MGAT5: variants seen among roughly 807,000 people sequenced by gnomAD.
MGAT5 encodes alpha-1,6-mannosylglycoprotein 6-beta-N-acetylglucosaminyltransferase A.
MGAT5 carries 30 observed loss-of-function variants against 94.3 expected under a neutral mutation model. The observed-to-expected ratio is 0.32, with a 90% CI of 0.24 to 0.43. The LOEUF is 0.43. Among genes scored for constraint, MGAT5 ranks in the 20% least tolerant of loss-of-function variants. The pLI, the probability that MGAT5 is intolerant of heterozygous loss-of-function variation, is 1.00. For synonymous variants in MGAT5, 310 were observed against 322.9 expected, an observed-to-expected ratio of 0.96 and a Z score of 0.43; for missense variants, 691 against 905.5, an observed-to-expected ratio of 0.76 and a Z score of 3.04.
chr2:134,169,391 CACACACACACACACACACACAG>C (rs1056722025), intron 1 of MGAT5, among the ~76,000 whole-genome samples: 4 of 119,484 alleles, frequency 3.3e-5, no homozygotes, highest in Non-Finnish European at 5.5e-5. Flanking sequence ...TAAAAATACA[CACACACACACACACACACACAG>C]ACACACACAC....
rs907796101 is a variant in MGAT5, at chr2:134,328,844, G to C, written c.574-7373G>C. On this transcript the variant is annotated intron_variant, in intron 4 of 15. Coordinates refer to ENST00000281923, the MANE Select transcript of MGAT5 (RefSeq NM_002410.5). ...TGGCCAGGTCAGTGGGTCAGGGAAG[G>C]CTTCTGTAAGGAGAAGTTTGAGCAT... Among the ~76,000 whole-genome samples the C allele has an allele frequency of 3.3e-5, 5 of 151,976 alleles. No individual in the cohort carries two copies. The East Asian group carries it at 9.7e-4, about 29-fold the overall frequency.
At chr2:134,365,263 C>G (rs1301041437) in intron 10 of MGAT5, among the ~76,000 whole-genome samples, 1 of 152,186 alleles carries the variant, frequency 6.6e-6, no homozygotes, top group Non-Finnish European at 1.5e-5. Flanking sequence ...GAGGGAATCT[C>G]CCTACTCACC....
At chr2:134,302,167 G>A (rs1195348734) in intron 2 of MGAT5, among the ~76,000 whole-genome samples, 1 of 152,148 alleles carries the variant, frequency 6.6e-6, no homozygotes, top group African/African-American at 2.4e-5. Flanking sequence ...ATTGGCTTGG[G>A]CATATTCCAA....
intron 1 of MGAT5, among the ~76,000 whole-genome samples, chr2:134,133,514 A>C (rs1206022423): frequency 6.6e-6 from 1 of 152,232 alleles, no homozygotes; most frequent in Non-Finnish European, 1.5e-5. Flanking sequence ...AATCAAAATA[A>C]ATGAGCTTAA....
At chr2:134,392,358 T>A (rs796455598) in intron 10 of MGAT5, among the ~76,000 whole-genome samples, 13 of 152,304 alleles carry the variant, frequency 8.5e-5, no homozygotes, top group African/African-American at 2.6e-4. Context: ...GTGATTTATT[T>A]TGAGGAGAGA....
At chr2:134,204,562 A>C (rs997577538) in intron 1 of MGAT5, among the ~76,000 whole-genome samples, 2 of 152,128 alleles carry the variant, frequency 1.3e-5, no homozygotes, top group African/African-American at 2.4e-5. Context: ...TTGGGCACAT[A>C]AAAAGAAAAA....
intron 13 of MGAT5, among the ~76,000 whole-genome samples, chr2:134,425,640 C>G (rs987674357): frequency 6.6e-6 from 1 of 152,116 alleles, no homozygotes; most frequent in Admixed American, 6.5e-5. Context: ...TTGAATGATG[C>G]CAAGCCACAT....
intron 1 of MGAT5, among the ~76,000 whole-genome samples, chr2:134,194,759 G>A (rs1679417499): frequency 6.6e-6 from 1 of 152,162 alleles, no homozygotes; most frequent in South Asian, 2.1e-4. Flanking sequence ...GGACTTTGGA[G>A]AGACAGGAGT....
intron 1 of MGAT5, among the ~76,000 whole-genome samples, chr2:134,232,153 C>T (rs1359248726): frequency 6.6e-6 from 1 of 152,134 alleles, no homozygotes; most frequent in Non-Finnish European, 1.5e-5. Context: ...GCTGATTTGA[C>T]CTCTTAAGTA....
Position 134,448,932 on chromosome 2 carries a change from G to T in MGAT5, c.*85G>T. 1.4e-6 allele frequency: 2 copies of T among 1,395,072 alleles called. No individual in the cohort carries two copies. Among genetic ancestry groups the T allele is most frequent in the South Asian group, 1.3e-5 (1 of 79,996 alleles). 86.4% of individuals were successfully genotyped at this position (1,395,072 alleles called of 1,614,324 possible). A position where few individuals can be genotyped will look rare whatever the true frequency, so the allele number is the denominator to read the frequency against. ...AGGCAGGGCCAGGGACAGAAGTCAT[G>T]CAGGGACTCTGGCAAGAGCCTGAAC... On this transcript the variant is annotated 3_prime_UTR_variant, in exon 16 of 16. Transcript: ENST00000281923.
rs1337685202 is a variant in MGAT5 at position 134,122,471 on chromosome 2, C to T, written c.-143+2180C>T. The stretch of plus-strand genomic sequence containing the variant: ...CAGTTTAGTTTTTTTCTCTTGCCCT[C>T]CTCCATCACCCTGCTTTTAAATGCT... On this transcript the variant is annotated intron_variant, in intron 1 of 16. Coordinates refer to the MGAT5 transcript ENST00000409645. 2.0e-5 allele frequency among the ~76,000 whole-genome samples: 3 copies of T among 152,268 alleles called. No homozygotes were observed. In the East Asian group the frequency reaches 5.8e-4, roughly 29 times the overall value.
chr2:134,237,754 G>GT (rs201862394), intron 1 of MGAT5, among the ~76,000 whole-genome samples: 10,451 of 29,932 alleles, frequency 0.35, 3,795 homozygotes, highest in Middle Eastern at 0.6. Flanking sequence ...TTTTGTTTTT[G>GT]TTTTTTTTTT....
At chr2:134,431,760 A>C (rs912428542) in intron 14 of MGAT5, among the ~76,000 whole-genome samples, 2 of 151,764 alleles carry the variant, frequency 1.3e-5, no homozygotes, top group Non-Finnish European at 2.9e-5. Context: ...GTTGTCCGTC[A>C]TGCTCAGCCA....
intron 10 of MGAT5, among the ~76,000 whole-genome samples, chr2:134,376,218 C>T (rs1262073026): frequency 6.6e-6 from 1 of 152,174 alleles, no homozygotes; most frequent in African/African-American, 2.4e-5. Context: ...GAATTTTAAC[C>T]TATTGCCTAA....
intron 1 of MGAT5, among the ~76,000 whole-genome samples, chr2:134,131,053 C>G (rs1453419263): frequency 1.3e-5 from 2 of 152,206 alleles, no homozygotes; most frequent in Non-Finnish European, 2.9e-5. Context: ...TTCTTTTGCT[C>G]TTTGCAATAA....
intron 10 of MGAT5, among the ~76,000 whole-genome samples, chr2:134,367,057 C>T (rs745365183): frequency 7.9e-5 from 12 of 152,198 alleles, no homozygotes; most frequent in Non-Finnish European, 1.5e-4. Context: ...ACAGTGTCTT[C>T]CTCGTGTCCT....
chr2:134,308,595 A>G (rs985352787), intron 2 of MGAT5, among the ~76,000 whole-genome samples: 1 of 152,200 alleles, frequency 6.6e-6, no homozygotes, highest in African/African-American at 2.4e-5. Context: ...TTTGCTTCCC[A>G]GGAAGGTACT....
chr2:134,194,796 G>T (rs1011077757), intron 1 of MGAT5, among the ~76,000 whole-genome samples: 3 of 152,152 alleles, frequency 2.0e-5, no homozygotes, highest in African/African-American at 7.2e-5. Flanking sequence ...CTCACTTCAT[G>T]TACTGTTCAA....
intron 10 of MGAT5, among the ~76,000 whole-genome samples, chr2:134,389,351 AATCTCTGAAAAGTC>A (rs1270375871): frequency 6.6e-6 from 1 of 152,188 alleles, no homozygotes; most frequent in Non-Finnish European, 1.5e-5. Context: ...TAAGCTTGGG[AATCTCTGAAAAGTC>A]ATCTCAGGAA....
Sources: gnomAD v4.1 joint callset for allele counts (sites outside exome capture counted in the v4.1 genomes callset) on GRCh38, gnomAD v4.1.1 for gene constraint, MANE v1.5 for transcripts, NCBI Gene and HGNC (gene_info 2026-07-23, HGNC 2026-07-21) for gene names.